Variants in ACSBG1 observed in about 807,000 individuals in gnomAD.
The protein encoded by ACSBG1 is long-chain-fatty-acid--CoA ligase ACSBG1.
ACSBG1 carries 39 observed loss-of-function variants against 80.2 expected under a neutral mutation model. The observed-to-expected ratio is 0.49, with a 90% CI of 0.38 to 0.64. ACSBG1 has a LOEUF of 0.64. Ranked by LOEUF, ACSBG1 falls within the 30% of genes least tolerant of loss-of-function variation. The pLI, the probability that ACSBG1 is intolerant of heterozygous loss-of-function variation, is 0.00. For synonymous variants in ACSBG1, 392 were observed against 379.5 expected (o/e 1.03, Z -0.38); for missense variants, 828 against 966.4 (o/e 0.86, Z 1.90).
At chr15:78,183,133 G>A (rs1362290675) in intron 5 of ACSBG1, among the ~76,000 whole-genome samples, 2 of 152,170 alleles carry the variant, frequency 1.3e-5, no homozygotes, top group East Asian at 1.9e-4. Context: ...GAGGAGAGAG[G>A]GAGAGAATTC....
chr15:78,173,557 A>C lies in ACSBG1; in HGVS notation c.2089+36T>G, dbSNP rs750744594. The C allele has an allele frequency of 7.5e-6, 12 of 1,606,532 alleles. No homozygotes were observed. In the Admixed American group the frequency reaches 2.0e-4, roughly 27 times the overall value. On this transcript the variant is annotated intron_variant, in intron 13 of 13. Coordinates refer to ENST00000258873, the MANE Select transcript of ACSBG1 (RefSeq NM_015162.5). ...GCACTGCCATGGCCTCTGCCTTCCCACACAGCCCTTGCAATGGTGAAAAGG... is the reference window on the plus strand; with the variant it reads ...GCACTGCCATGGCCTCTGCCTTCCCCCACAGCCCTTGCAATGGTGAAAAGG...
chr15:78,225,140 C>G (rs1296538941), intron 1 of ACSBG1, among the ~76,000 whole-genome samples: 1 of 152,252 alleles, frequency 6.6e-6, no homozygotes, highest in African/African-American at 2.4e-5. Flanking sequence ...TGGCTCACAC[C>G]TGTAATCCCA....
At chr15:78,196,691 C>CA (rs1209259209) in intron 2 of ACSBG1, among the ~76,000 whole-genome samples, 1 of 152,084 alleles carries the variant, frequency 6.6e-6, no homozygotes, top group African/African-American at 2.4e-5. Context: ...GTTTATGAGT[C>CA]AAAAAATTGA....
At chr15:78,194,790 G>A in intron 2 of ACSBG1, 64 bp from the exon 3 acceptor site, 2 of 1,513,300 alleles carry the variant, frequency 1.3e-6, no homozygotes, top group Non-Finnish European at 1.8e-6. Context: ...CCTGCCCTGG[G>A]CAGAGCTCGC....
intron 1 of ACSBG1, among the ~76,000 whole-genome samples, chr15:78,231,379 C>T (rs2075446035): frequency 6.6e-6 from 1 of 151,920 alleles, no homozygotes; most frequent in Admixed American, 6.5e-5. Context: ...GATCTGCCCA[C>T]CTCGGCCTCC....
intron 5 of ACSBG1, among the ~76,000 whole-genome samples, chr15:78,184,968 G>T (rs28547162): frequency 0.015 from 2,264 of 151,990 alleles, 56 homozygotes; most frequent in African/African-American, 0.051. Context: ...CCAGCTTTCT[G>T]CCCAGGGGCA....
chr15:78,196,198 C>T (rs2075112929), intron 2 of ACSBG1, among the ~76,000 whole-genome samples: 1 of 152,232 alleles, frequency 6.6e-6, no homozygotes, highest in South Asian at 2.1e-4. Context: ...CCTGAGCCTT[C>T]AGGTAGTGGC....
At chr15:78,217,635 C>T (rs1292207591) in intron 1 of ACSBG1, among the ~76,000 whole-genome samples, 3 of 151,038 alleles carry the variant, frequency 2.0e-5, no homozygotes, top group South Asian at 2.1e-4. Flanking sequence ...GGTGCGATCT[C>T]GGCTCACTGC....
intron 5 of ACSBG1, among the ~76,000 whole-genome samples, chr15:78,192,195 C>G (rs1372058615): frequency 6.6e-6 from 1 of 152,084 alleles, no homozygotes; most frequent in Non-Finnish European, 1.5e-5. Context: ...TTTCCAGCAG[C>G]CTTGGCAAAT....
intron 8 of ACSBG1, among the ~76,000 whole-genome samples, chr15:78,181,728 C>T (rs1191982184): frequency 6.6e-6 from 1 of 152,100 alleles, no homozygotes; most frequent in East Asian, 1.9e-4. Context: ...CTCCTGACCT[C>T]GTGATGTGCC....
rs915505381 is a variant in ACSBG1 at position 78,232,215 on chromosome 15, G to A, written c.131+2156C>T. On this transcript the variant is annotated intron_variant, in intron 1 of 13. Transcript: ENST00000258873. ...TCTGCAATGTCAATGAAGTTCAGGC[G>A]TTGTATATTTATTTGTACAGAGGAT... 1.5e-4 allele frequency among the ~76,000 whole-genome samples: 23 copies of A among 152,288 alleles called. No individual in the cohort carries two copies. The South Asian group carries it at 3.7e-3, about 25-fold the overall frequency.
intron 5 of ACSBG1, among the ~76,000 whole-genome samples, chr15:78,183,845 C>A (rs2074973406): frequency 7.3e-6 from 1 of 136,104 alleles, no homozygotes; most frequent in African/African-American, 2.8e-5. Context: ...GAGTTTGAGA[C>A]CAGCCTGGGC....
chr15:78,205,220 T>C (rs1163278201), intron 2 of ACSBG1, among the ~76,000 whole-genome samples: 3 of 152,116 alleles, frequency 2.0e-5, no homozygotes, highest in Non-Finnish European at 4.4e-5. Flanking sequence ...CAGATTCCAG[T>C]GTCTCGGTGG....
In ACSBG1 at chr15:78,171,246, C is replaced by T. The variant is rs1376625701; in HGVS notation, c.*198G>A. On this transcript the variant is annotated 3_prime_UTR_variant, in exon 14 of 14. Coordinates refer to ENST00000258873, the MANE Select transcript of ACSBG1 (RefSeq NM_015162.5). ...ATACTTAAACTGAATTAAAACTACCCACACGTGAAGCTTCTTGGAATTGTC... is the reference window on the plus strand; with the variant it reads ...ATACTTAAACTGAATTAAAACTACCTACACGTGAAGCTTCTTGGAATTGTC... The T allele has an allele frequency of 4.1e-6, 2 of 487,818 alleles. No individual in the cohort carries two copies. Among genetic ancestry groups the T allele is most frequent in the African/African-American group, 3.9e-5 (2 of 51,710 alleles). 30.2% of individuals were successfully genotyped at this position (487,818 alleles called of 1,614,324 possible).
chr15:78,213,466 C>T (rs2075283541), intron 1 of ACSBG1: 1 of 152,424 alleles, frequency 6.6e-6, no homozygotes, highest in African/African-American at 2.4e-5. Flanking sequence ...AGGCACAGGG[C>T]TCAGCAACCC....
At position 78,173,573 on chromosome 15, in the gene ACSBG1, G is replaced by C; in HGVS notation, c.2089+20C>G. The C allele has an allele frequency of 6.2e-7, 1 of 1,612,342 alleles. No individual in the cohort carries two copies. The highest frequency in any genetic ancestry group is 1.7e-5 in the Admixed American group (1 of 59,950). The stretch of plus-strand genomic sequence containing the variant: ...TGCCTTCCCACACAGCCCTTGCAAT[G>C]GTGAAAAGGAAAAACCTACCCAACT... On this transcript the variant is annotated intron_variant, in intron 13 of 13. Coordinates refer to ENST00000258873, the MANE Select transcript of ACSBG1 (RefSeq NM_015162.5).
chr15:78,170,102 A>G lies in ACSBG1; in HGVS notation c.*1342T>C. ...TCAGCCTGAGTTAATTCACAAAATT[A>G]TGCCATGCTGGGGCTTGAGCTTGAG... On this transcript the variant is annotated 3_prime_UTR_variant, in exon 14 of 14. Transcript: ENST00000258873. The G allele has an allele frequency of 6.6e-6, 1 of 152,272 alleles. No individual in the cohort carries two copies. The highest frequency in any genetic ancestry group is 1.5e-5 in the Non-Finnish European group (1 of 68,060). The allele number at this position is 152,272 out of a possible 1,614,324, so 9.4% of individuals were successfully genotyped here. A position where few individuals can be genotyped will look rare whatever the true frequency, so the allele number is the denominator to read the frequency against.
Position 78,178,635 on chromosome 15 carries a change from A to G in ACSBG1, c.1681T>C (p.Tyr561His). Residue 561 changes from tyrosine (Y) to histidine (H), a missense_variant, in exon 11 of 14, where the codon TAC becomes CAC. Physicochemically the swap from Tyr to His is moderately conservative, Grantham distance 83. Around this residue, in one of 3 missense-constraint regions of ACSBG1, gnomAD observed 201 missense variants for 227.0 expected, o/e 0.89. Coordinates refer to ENST00000258873, the MANE Select transcript of ACSBG1 (RefSeq NM_015162.5). The surrounding 1 kb of genome is among the most constrained non-coding windows in gnomAD (Gnocchi z 4.3). ...AGRLDADGFL[Y>H]ITGRLKELII... ...TCACCTTTGAGGCGCCCAGTGATGT[A>G]GAGGAAGCCATCGGCGTCCAGGCGG... 2 of 1,612,946 alleles carry G rather than the reference A, an allele frequency of 1.2e-6. No individual in the cohort carries two copies. The highest frequency in any genetic ancestry group is 1.7e-6 in the Non-Finnish European group (2 of 1,179,660).
intron 2 of ACSBG1, among the ~76,000 whole-genome samples, chr15:78,202,003 G>A (rs1567090261): frequency 6.6e-6 from 1 of 152,162 alleles, no homozygotes. Context: ...GCCACTTGCA[G>A]AGATCAGGAT....
Sources: allele counts gnomAD v4.1 joint callset (sites outside exome capture counted in the v4.1 genomes callset), GRCh38; gene constraint gnomAD v4.1.1; regional missense constraint gnomAD v4.1.1; non-coding constraint Gnocchi (gnomAD v3.1); transcripts MANE v1.5; gene names NCBI Gene and HGNC (gene_info 2026-07-23, HGNC 2026-07-21).